The following LCOR variants were observed in gnomAD, a reference collection of about 807,000 sequenced individuals.
LCOR encodes ligand-dependent corepressor.
In LCOR, 14 loss-of-function variants were observed where a neutral mutation model predicts 64.4. The ratio of observed to expected loss-of-function variants is 0.22; its 90% CI spans 0.14 to 0.34. LCOR has a LOEUF of 0.34. LCOR is among the 10% of genes least tolerant of loss of function. The probability of loss-of-function intolerance (pLI) is 1.00; values close to 1 mark genes in which losing one functional copy is unlikely to be tolerated. For missense variants in LCOR, 1,686 were observed against 1,765.3 expected, an observed-to-expected ratio of 0.96 and a Z score of 0.80; for synonymous variants, 643 against 642.5, an observed-to-expected ratio of 1.00 and a Z score of -0.01.
chr10:96,983,446 A>C lies in LCOR; in HGVS notation c.2986A>C (p.Asn996His). The stretch of plus-strand genomic sequence containing the variant: ...GGAGGAGGCTGTGAATGAGGTAGAC[A>C]ACGAAAACACCCAGCAGAAAGATGA... ...HVEEAVNEVDNENTQQKDDES... is the reference protein window; with the variant it reads ...HVEEAVNEVDHENTQQKDDES... The change falls in exon 8 of 8, where the codon AAC (asparagine) becomes CAC (histidine). Residue 996 changes from asparagine (N) to histidine (H), a missense_variant. By Grantham distance (68) the Asn-to-His change is moderately conservative. Coordinates refer to ENST00000421806, the MANE Select transcript of LCOR (RefSeq NM_001346516.2). The surrounding 1 kb of genome is among the most constrained non-coding windows in gnomAD (Gnocchi z 4.5). 6.2e-7 allele frequency: 1 copy of C among 1,614,198 alleles called. No homozygotes were observed.
At chr10:96,937,473 A>C (rs548404362) in intron 4 of LCOR, among the ~76,000 whole-genome samples, 2 of 152,192 alleles carry the variant, frequency 1.3e-5, no homozygotes, top group African/African-American at 4.8e-5. Context: ...ACTCCCATCA[A>C]AGAAAAGCCC....
At chr10:96,881,407 C>A (rs1233859322) in intron 2 of LCOR, among the ~76,000 whole-genome samples, 1 of 151,734 alleles carries the variant, frequency 6.6e-6, no homozygotes, top group African/African-American at 2.4e-5. Flanking sequence ...GTGAATGTGG[C>A]AGATATCAAG....
chr10:96,881,884 CAGTGTTTG>C (rs1228794681), intron 2 of LCOR, among the ~76,000 whole-genome samples: 2 of 152,174 alleles, frequency 1.3e-5, no homozygotes, highest in African/African-American at 4.8e-5. Flanking sequence ...TACCACTTTT[CAGTGTTTG>C]ATAATTCACT....
chr10:96,885,889 A>C (rs1281047632), intron 2 of LCOR, among the ~76,000 whole-genome samples: 2 of 151,934 alleles, frequency 1.3e-5, no homozygotes, highest in East Asian at 1.9e-4. Context: ...TCCCTTAATG[A>C]TTTTAAAGAT....
chr10:96,943,456 T>A (rs569684606), intron 4 of LCOR, among the ~76,000 whole-genome samples: 1 of 152,374 alleles, frequency 6.6e-6, no homozygotes, highest in African/African-American at 2.4e-5. Flanking sequence ...CAAAAGATAA[T>A]GCAATGCTTA....
intron 2 of LCOR, among the ~76,000 whole-genome samples, chr10:96,883,153 C>G (rs1441398545): frequency 6.6e-6 from 1 of 152,190 alleles, no homozygotes; most frequent in African/African-American, 2.4e-5. Context: ...TCTGCCTCAG[C>G]CTCCTGAGTA....
intron 4 of LCOR, among the ~76,000 whole-genome samples, chr10:96,943,392 T>G (rs1847531972): frequency 2.0e-5 from 3 of 152,240 alleles, no homozygotes; most frequent in Admixed American, 2.0e-4. Context: ...CCACCTCGCC[T>G]GGTCAGATTC....
chr10:96,870,206 G>A (rs1052259675), intron 2 of LCOR, among the ~76,000 whole-genome samples: 1 of 151,638 alleles, frequency 6.6e-6, no homozygotes, highest in African/African-American at 2.4e-5. Context: ...GTTTTTTGTA[G>A]AGACGGGGTT....
intron 2 of LCOR, among the ~76,000 whole-genome samples, chr10:96,900,181 G>T (rs1221180620): frequency 6.6e-6 from 1 of 152,058 alleles, no homozygotes; most frequent in Non-Finnish European, 1.5e-5. Context: ...ATAGTATGTG[G>T]TCTTTTGTTT....
chr10:96,937,543 G>C (rs756087530), intron 4 of LCOR, among the ~76,000 whole-genome samples: 1 of 151,954 alleles, frequency 6.6e-6, no homozygotes, highest in African/African-American at 2.4e-5. Context: ...ATAGAGATGG[G>C]GTCTCATGAT....
chr10:96,949,056 T>TCATG lies in LCOR; in HGVS notation c.2_5dup. On this transcript the variant is annotated 5_prime_UTR_variant, in exon 6 of 8. The change creates a new upstream start codon in the 5' untranslated region. Transcript: ENST00000421806. Reference sequence around the variant, plus strand: ...AATATTCCCCTAGTGGCCCGTGAGATCATGCAGCGAATGATCCAACAATTT... The same window carrying TCATG: ...AATATTCCCCTAGTGGCCCGTGAGATCATGCATGCAGCGAATGATCCAACAATTT... 1 of 1,613,912 alleles carries TCATG rather than the reference T, an allele frequency of 6.2e-7. No homozygotes were observed.
At chr10:96,858,173 A>G (rs1845835158) in intron 2 of LCOR, among the ~76,000 whole-genome samples, 2 of 152,174 alleles carry the variant, frequency 1.3e-5, no homozygotes, top group South Asian at 2.1e-4. Flanking sequence ...TAGAGATAGT[A>G]AGGACTGTAA....
At chr10:96,942,479 G>C (rs1847510299) in intron 4 of LCOR, among the ~76,000 whole-genome samples, 1 of 151,954 alleles carries the variant, frequency 6.6e-6, no homozygotes, top group Admixed American at 6.6e-5. Context: ...GAGAGGGAGC[G>C]GTCATGATTT....
At chr10:96,842,252 G>A (rs183683062) in intron 2 of LCOR, among the ~76,000 whole-genome samples, 106 of 152,154 alleles carry the variant, frequency 7.0e-4, no homozygotes, top group African/African-American at 2.1e-3. Flanking sequence ...AAAATTAGCC[G>A]GGTGTGGTGG....
At chr10:96,884,336 G>C (rs561283784) in intron 2 of LCOR, among the ~76,000 whole-genome samples, 1 of 152,196 alleles carries the variant, frequency 6.6e-6, no homozygotes, top group African/African-American at 2.4e-5. Context: ...ATTTTTAAGA[G>C]TATAAAGTGA....
rs190604093 is a variant in LCOR at position 96,981,079 on chromosome 10, G to T, written c.619G>T (p.Val207Leu). 1 of 702,858 alleles carries T rather than the reference G, an allele frequency of 1.4e-6. No homozygotes were observed. The highest frequency in any genetic ancestry group is 1.7e-5 in the African/African-American group (1 of 57,214). 43.5% of individuals were successfully genotyped at this position (702,858 alleles called of 1,614,324 possible). ...MKSSASVDLF[V>L]DSSDSHSPLH... is the part of the protein sequence containing the mutation. ...GTCTTCTGCTTCTGTAGATTTGTTC[G>T]TAGACTCGTCAGACTCTCACAGCCC... Residue 207 changes from valine to leucine, a missense_variant, in exon 8 of 8, where the codon GTA becomes TTA. Coordinates refer to ENST00000421806, the MANE Select transcript of LCOR (RefSeq NM_001346516.2).
At chr10:96,929,283 T>C (rs1330222355) in intron 4 of LCOR, among the ~76,000 whole-genome samples, 3 of 152,254 alleles carry the variant, frequency 2.0e-5, no homozygotes, top group Admixed American at 6.5e-5. Flanking sequence ...ATCTGTTGTT[T>C]TGTGTAGCCA....
chr10:96,885,507 A>T (rs973615383), intron 2 of LCOR, among the ~76,000 whole-genome samples: 1 of 150,200 alleles, frequency 6.7e-6, no homozygotes, highest in Non-Finnish European at 1.5e-5. Flanking sequence ...TCAGCCTCCC[A>T]AGTAGCTGGG....
intron 2 of LCOR, among the ~76,000 whole-genome samples, chr10:96,839,472 CT>C (rs1242032606): frequency 6.6e-6 from 1 of 152,096 alleles, no homozygotes; most frequent in Non-Finnish European, 1.5e-5. Context: ...GGGATTACAA[CT>C]CCATTTGCAA....
Sources: gnomAD v4.1 joint callset for allele counts (sites outside exome capture counted in the v4.1 genomes callset) on GRCh38, gnomAD v4.1.1 for gene constraint, Gnocchi (gnomAD v3.1) non-coding constraint, MANE v1.5 for transcripts, NCBI Gene and HGNC (gene_info 2026-07-23, HGNC 2026-07-21) for gene names.